Variants in CDH13 observed in about 807,000 individuals in gnomAD.
CDH13 encodes cadherin 13.
In CDH13, 24 loss-of-function variants were observed where a neutral mutation model predicts 63.8. That is an observed-to-expected ratio of 0.38 (90% CI 0.27 to 0.53). CDH13 has a LOEUF of 0.53. CDH13 is among the 20% of genes least tolerant of loss of function. The probability of loss-of-function intolerance (pLI) is 0.85; values close to 1 mark genes in which losing one functional copy is unlikely to be tolerated. For synonymous variants in CDH13, 503 were observed against 355.3 expected (o/e 1.42, Z -4.67); for missense variants, 1,049 against 903.1 (o/e 1.16, Z -2.07).
chr16:82,962,038 C>T lies in CDH13; in HGVS notation c.158-69972C>T, dbSNP rs1173698446. Reference sequence around the variant, plus strand: ...TGGTAAAATAACATAGATGCTATGACATGTGGCCCACTGGAAGACACCCAT... The same window carrying T: ...TGGTAAAATAACATAGATGCTATGATATGTGGCCCACTGGAAGACACCCAT... On this transcript the variant is annotated intron_variant, in intron 2 of 13. Coordinates refer to ENST00000567109, the MANE Select transcript of CDH13 (RefSeq NM_001257.5). Among the ~76,000 whole-genome samples, 4 of 152,180 alleles carry T rather than the reference C, an allele frequency of 2.6e-5. No homozygotes were observed. In the East Asian group the frequency reaches 7.7e-4, roughly 29 times the overall value.
At chr16:83,779,435 A>AC (rs1915359772) in intron 11 of CDH13, among the ~76,000 whole-genome samples, 3 of 149,564 alleles carry the variant, frequency 2.0e-5, no homozygotes, top group African/African-American at 4.9e-5. Context: ...AAAAAAAAAA[A>AC]AAAGTCTTAT....
intron 2 of CDH13, among the ~76,000 whole-genome samples, chr16:83,004,337 C>T (rs1309238995): frequency 6.6e-6 from 1 of 152,188 alleles, no homozygotes. Flanking sequence ...CAGCTCAGAC[C>T]TGGGCATCCA....
chr16:83,577,374 T>A (rs1905157727), intron 7 of CDH13, among the ~76,000 whole-genome samples: 1 of 152,186 alleles, frequency 6.6e-6, no homozygotes, highest in Admixed American at 6.5e-5. Context: ...CACTGCCAAT[T>A]AACATTTACT....
intron 10 of CDH13, among the ~76,000 whole-genome samples, chr16:83,727,947 G>A (rs1205678488): frequency 2.0e-5 from 3 of 152,192 alleles, no homozygotes; most frequent in African/African-American, 4.8e-5. Flanking sequence ...AAGTTTGACT[G>A]ATGGATTTGG....
intron 7 of CDH13, among the ~76,000 whole-genome samples, chr16:83,565,696 A>G (rs1425279118): frequency 6.6e-6 from 1 of 151,166 alleles, no homozygotes; most frequent in African/African-American, 2.4e-5. Flanking sequence ...CTTGCTTTTA[A>G]CTGATTTATT....
intron 1 of CDH13, among the ~76,000 whole-genome samples, chr16:82,656,478 A>T (rs1002388303): frequency 5.3e-5 from 8 of 152,180 alleles, no homozygotes; most frequent in African/African-American, 7.2e-5. Flanking sequence ...AAGTTTCCCA[A>T]GTACCTCCTA....
At chr16:83,353,249 A>C (rs550107647) in intron 6 of CDH13, among the ~76,000 whole-genome samples, 1 of 152,358 alleles carries the variant, frequency 6.6e-6, no homozygotes, top group African/African-American at 2.4e-5. Context: ...AATCTTTGCC[A>C]AGTTGCTCCT....
At chr16:82,744,848 C>T (rs1386588114) in intron 1 of CDH13, among the ~76,000 whole-genome samples, 3 of 152,140 alleles carry the variant, frequency 2.0e-5, no homozygotes, top group African/African-American at 7.2e-5. Context: ...AGGTGCAGAG[C>T]CTGTAAAATG....
intron 1 of CDH13, among the ~76,000 whole-genome samples, chr16:82,740,062 C>G (rs1022459119): frequency 1.3e-5 from 2 of 152,132 alleles, no homozygotes; most frequent in African/African-American, 4.8e-5. Flanking sequence ...AATGTGGACG[C>G]CTATTACAAC....
chr16:83,078,382 T>C (rs1567808429), intron 3 of CDH13, among the ~76,000 whole-genome samples: 1 of 152,198 alleles, frequency 6.6e-6, no homozygotes, highest in East Asian at 1.9e-4. Flanking sequence ...CCAGCTCACA[T>C]AATCAGGCGT....
At chr16:82,860,186 C>T (rs573791206) in intron 2 of CDH13, among the ~76,000 whole-genome samples, 20 of 151,976 alleles carry the variant, frequency 1.3e-4, no homozygotes, top group Non-Finnish European at 2.2e-4. Flanking sequence ...CTTGGAAATG[C>T]GAAGCGACCC....
intron 3 of CDH13, among the ~76,000 whole-genome samples, chr16:83,081,109 G>C (rs543719057): frequency 2.6e-5 from 4 of 151,728 alleles, no homozygotes; most frequent in African/African-American, 4.8e-5. Flanking sequence ...TCGAACTCCC[G>C]ACGTCAGGTG....
At chr16:82,934,604 TCA>T (rs1457502833) in intron 2 of CDH13, among the ~76,000 whole-genome samples, 1 of 152,146 alleles carries the variant, frequency 6.6e-6, no homozygotes, top group Non-Finnish European at 1.5e-5. Flanking sequence ...TATTGCATTG[TCA>T]GGTTGCAAAT....
intron 1 of CDH13, among the ~76,000 whole-genome samples, chr16:82,827,219 C>G (rs571393235): frequency 6.6e-6 from 1 of 152,238 alleles, no homozygotes; most frequent in South Asian, 2.1e-4. Flanking sequence ...TGTAATTTCC[C>G]AGACAGAGAG....
chr16:83,137,957 G>C (rs564935338), intron 4 of CDH13, among the ~76,000 whole-genome samples: 1 of 152,038 alleles, frequency 6.6e-6, no homozygotes, highest in Middle Eastern at 3.4e-3. Flanking sequence ...TCCCAAATAG[G>C]GTCCTGGGGG....
intron 8 of CDH13, among the ~76,000 whole-genome samples, chr16:83,605,659 G>A (rs367971039): frequency 5.3e-4 from 81 of 152,280 alleles, no homozygotes; most frequent in South Asian, 1.7e-3. Context: ...TGATGACACC[G>A]CTGATGAGGA....
At chr16:83,694,239 C>A (rs1905164811) in intron 10 of CDH13, among the ~76,000 whole-genome samples, 1 of 152,298 alleles carries the variant, frequency 6.6e-6, no homozygotes, top group East Asian at 1.9e-4. Context: ...GCTTCCCATG[C>A]AATGAACATG....
intron 2 of CDH13, among the ~76,000 whole-genome samples, chr16:83,002,613 A>T (rs1024726346): frequency 1.3e-5 from 2 of 152,212 alleles, no homozygotes; most frequent in African/African-American, 4.8e-5. Context: ...AACAAATAAA[A>T]TGTATTCAAT....
intron 1 of CDH13, among the ~76,000 whole-genome samples, chr16:82,804,608 T>C (rs748052597): frequency 6.6e-6 from 1 of 152,222 alleles, no homozygotes; most frequent in Admixed American, 6.5e-5. Flanking sequence ...GGATTTAATA[T>C]ATGCCTTATC....
Sources: gnomAD v4.1 joint callset for allele counts (sites outside exome capture counted in the v4.1 genomes callset) on GRCh38, gnomAD v4.1.1 for gene constraint, MANE v1.5 for transcripts, NCBI Gene and HGNC (gene_info 2026-07-23, HGNC 2026-07-21) for gene names.